VPS28: variants seen among roughly 807,000 people sequenced by gnomAD.
VPS28 encodes the protein vacuolar protein sorting-associated protein 28 homolog.
Under a neutral mutation model 33.7 loss-of-function variants are expected in VPS28, and 29 were observed. The observed-to-expected ratio is 0.86, with a 90% CI of 0.64 to 1.17. The LOEUF (loss-of-function observed/expected upper bound fraction) is 1.17. Among genes scored for constraint, VPS28 ranks in the 50% most tolerant of loss-of-function variants. VPS28 has a pLI of 0.00. For missense variants in VPS28, 247 were observed against 312.2 expected (o/e 0.79, Z 1.57); for synonymous variants, 164 against 116.7 (o/e 1.40, Z -2.61).
At chr8:144,425,097 CA>C in intron 5 of VPS28, 46 bp from the exon 6 acceptor site, 1 of 1,509,460 alleles carries the variant, frequency 6.6e-7, no homozygotes, top group Non-Finnish European at 9.0e-7. Context: ...CAGCCCCACC[CA>C]GCTCATCCTA....
At chr8:144,428,063 TGG>T (rs1554877312) in intron 1 of VPS28, among the ~76,000 whole-genome samples, 2 of 150,732 alleles carry the variant, frequency 1.3e-5, no homozygotes. Flanking sequence ...GCCGAAGCCC[TGG>T]GGCGCCCCAG....
chr8:144,426,770 C>G lies in VPS28; in HGVS notation c.37+139G>C, dbSNP rs557088088. 282 of 887,108 alleles carry G rather than the reference C, an allele frequency of 3.2e-4. 2 individuals are homozygous for G. In the South Asian group the frequency reaches 4.4e-3, roughly 14 times the overall value. The allele number at this position is 887,108 out of a possible 1,614,324, so 55.0% of individuals were successfully genotyped here. A position where few individuals can be genotyped will look rare whatever the true frequency, so the allele number is the denominator to read the frequency against. ...GAGCCCTCAGTGCTCCTGCAATGAA[C>G]TATTTAGCCCCTGGCCACCCCCAAG... On this transcript the variant is annotated intron_variant, in intron 2 of 9. Transcript: ENST00000292510.
rs923889794 is a variant in VPS28, at chr8:144,424,490, A to G, written c.403-222T>C. ...CACACCCACACTCTCTCCCGAGGCC[A>G]GGACCCCGCCAGAACGCACCCTGTG... is the stretch of plus-strand genomic sequence containing the variant. On this transcript the variant is annotated intron_variant, in intron 7 of 9. Transcript: ENST00000292510. 10 of 800,024 alleles carry G rather than the reference A, an allele frequency of 1.2e-5. No homozygotes were observed. The African/African-American group carries it at 1.6e-4, about 13-fold the overall frequency. 49.6% of individuals were successfully genotyped at this position (800,024 alleles called of 1,614,324 possible).
At chr8:144,428,157 T>C (rs1265021264) in intron 1 of VPS28, among the ~76,000 whole-genome samples, 1 of 151,942 alleles carries the variant, frequency 6.6e-6, no homozygotes, top group Admixed American at 6.5e-5. Flanking sequence ...TCGAGGCCAT[T>C]GCGAGCCGCG....
rs782428289 is a variant in VPS28 at position 144,425,725 on chromosome 8, G to T, written c.152C>A (p.Ala51Asp). ...GTCCTTGATGTAGGCCTTCTCCAGGGCTTGCATTGTCTTCACCACCGCAAA... is the reference window on the plus strand; with the variant it reads ...GTCCTTGATGTAGGCCTTCTCCAGGTCTTGCATTGTCTTCACCACCGCAAA... ...ELFAVVKTMQALEKAYIKDCV... is the reference protein window; with the variant it reads ...ELFAVVKTMQDLEKAYIKDCV... The change falls in exon 5 of 10, where the codon GCC becomes GAC. Residue 51 changes from alanine to aspartate, a missense_variant. Ala to Asp is a moderately radical substitution (Grantham distance 126, BLOSUM62 -2). Around this residue, in one of 3 missense-constraint regions of VPS28, gnomAD observed 149 missense variants for 172.8 expected, o/e 0.86. Transcript: ENST00000292510. The T allele has an allele frequency of 6.2e-7, 1 of 1,613,884 alleles. No homozygotes were observed. Among genetic ancestry groups the T allele is most frequent in the African/African-American group, 1.3e-5 (1 of 75,036 alleles).
At position 144,426,222 on chromosome 8, in the gene VPS28, C is replaced by G. The variant is rs200924822; in HGVS notation, c.38-14G>C. On this transcript the variant is annotated splice_polypyrimidine_tract_variant and intron_variant, in intron 2 of 9. Coordinates refer to ENST00000292510, the MANE Select transcript of VPS28 (RefSeq NM_016208.4). ...TGTTCCCAGGGGCTGCAAGAGAAGG[C>G]AGAGAGCTGGCAGGCTGGCCCCAAA... 3.1e-6 allele frequency: 5 copies of G among 1,596,726 alleles called. No individual in the cohort carries two copies. The African/African-American group carries it at 5.4e-5, about 17-fold the overall frequency.
At chr8:144,424,396 C>T (rs1285436898) in intron 7 of VPS28, 128 bp from the exon 8 acceptor site, 6 of 1,267,068 alleles carry the variant, frequency 4.7e-6, no homozygotes, top group Non-Finnish European at 5.4e-6. Flanking sequence ...GTTCCCAAAC[C>T]CTGCAGGCCT....
chr8:144,426,860 A>G (rs782249993), intron 2 of VPS28, 49 bp downstream of exon 2: 3 of 1,607,528 alleles, frequency 1.9e-6, no homozygotes, highest in South Asian at 1.1e-5. Context: ...ACTGCCCGTC[A>G]GCCCCTGCAG....
chr8:144,424,794 C>T lies in VPS28; in HGVS notation c.326G>A (p.Arg109Gln), dbSNP rs782001806. ...GGTGATGGGCCGGTCCTCCTTGATC[C>T]GCTCCATGGCCAGCGGGCAGTCCAG... ...FRLDCPLAMERIKEDRPITIK... is the reference protein window; with the variant it reads ...FRLDCPLAMEQIKEDRPITIK... Residue 109 changes from arginine to glutamine, a missense_variant, in exon 7 of 10, where the codon CGG (arginine) becomes CAG (glutamine). This residue lies in a region of VPS28 where 149 missense variants were observed against 172.8 expected (regional missense o/e 0.86). Transcript: ENST00000292510. 6 of 1,613,890 alleles carry T rather than the reference C, an allele frequency of 3.7e-6. No homozygotes were observed. The highest frequency in any genetic ancestry group is 2.2e-5 in the East Asian group (1 of 44,862).
chr8:144,424,174 T>A, intron 8 of VPS28, 41 bp downstream of exon 8: 1 of 1,561,326 alleles, frequency 6.4e-7, no homozygotes. Flanking sequence ...GCCGGCTCCA[T>A]CCCCTCCTGC....
intron 2 of VPS28, chr8:144,426,604 C>T (rs868990381): frequency 1.1e-5 from 5 of 465,286 alleles, no homozygotes; most frequent in Non-Finnish European, 1.9e-5. Flanking sequence ...GCTCATGATG[C>T]AGTGCCAACA....
In VPS28 at chr8:144,424,286, CAT is replaced by C. The variant is rs145810259; in HGVS notation, c.403-20_403-19del. 1.3e-3 allele frequency: 2,026 copies of C among 1,586,420 alleles called. 16 individuals carry two copies. The African/African-American group carries it at 0.018, about 14-fold the overall frequency. ...ATGAAGAGCTGGGGGCAGGTGTGCA[CAT>C]GAGGCTCGCGTGTCCACGGGTGCGG... On this transcript the variant is annotated intron_variant, in intron 7 of 9. Coordinates refer to ENST00000292510, the MANE Select transcript of VPS28 (RefSeq NM_016208.4).
intron 2 of VPS28, 132 bp downstream of exon 2, chr8:144,426,777 G>A (rs1822781870): frequency 1.0e-6 from 1 of 961,320 alleles, no homozygotes; most frequent in South Asian, 1.6e-5. Flanking sequence ...GAACTATTTA[G>A]CCCCTGGCCA....
chr8:144,423,967 G>A, intron 9 of VPS28, 45 bp from the exon 10 acceptor site: 4 of 1,611,434 alleles, frequency 2.5e-6, no homozygotes, highest in Non-Finnish European at 3.4e-6. Flanking sequence ...GGCCTCAGGG[G>A]CACTGCGGGG....
At chr8:144,425,154 G>C (rs1416223294) in intron 5 of VPS28, 103 bp from the exon 6 acceptor site, 1 of 1,048,136 alleles carries the variant, frequency 9.5e-7, no homozygotes, top group Non-Finnish European at 1.4e-6. Context: ...GAGAGGACCA[G>C]GCGACAGGCA....
rs781862454 is a variant in VPS28, at chr8:144,424,812, C to T, written c.308G>A (p.Cys103Tyr). The stretch of plus-strand genomic sequence containing the variant: ...CTTGATCCGCTCCATGGCCAGCGGG[C>T]AGTCCAGCTGTTGGGGGTGACATGG... Reference protein sequence around the residue: ...DEFCRKFRLDCPLAMERIKED... With the variant: ...DEFCRKFRLDYPLAMERIKED... The change falls in exon 7 of 10, where the codon TGC (cysteine) becomes TAC (tyrosine). Residue 103 changes from cysteine to tyrosine, a missense_variant. Around this residue, in one of 3 missense-constraint regions of VPS28, gnomAD observed 149 missense variants for 172.8 expected, o/e 0.86. Coordinates refer to ENST00000292510, the MANE Select transcript of VPS28 (RefSeq NM_016208.4). 2 of 1,613,912 alleles carry T rather than the reference C, an allele frequency of 1.2e-6. No homozygotes were observed. The highest frequency in any genetic ancestry group is 2.2e-5 in the South Asian group (2 of 91,086).
chr8:144,425,988 C>A lies in VPS28; in HGVS notation c.104+38G>T, dbSNP rs782783647. ...GGCTGCCCCAGGGCAGCCAGATGCG[C>A]ATGGGTGTGTTGGGACAGCCTGGGC... On this transcript the variant is annotated intron_variant, in intron 4 of 9. Coordinates refer to ENST00000292510, the MANE Select transcript of VPS28 (RefSeq NM_016208.4). 8 of 1,481,144 alleles carry A rather than the reference C, an allele frequency of 5.4e-6. No individual in the cohort carries two copies. In the East Asian group the frequency reaches 1.5e-4, roughly 28 times the overall value. 91.8% of individuals were successfully genotyped at this position (1,481,144 alleles called of 1,614,324 possible). A position where few individuals can be genotyped will look rare whatever the true frequency, so the allele number is the denominator to read the frequency against.
chr8:144,428,408 G>C (rs1173031920), intron 1 of VPS28, 81 bp downstream of exon 1: 1 of 152,266 alleles, frequency 6.6e-6, no homozygotes, highest in Non-Finnish European at 1.5e-5. Context: ...CCGGGGCCTA[G>C]GCGCGCCCAG....
chr8:144,423,884 A>G lies in VPS28; in HGVS notation c.587T>C (p.Leu196Pro). 2 of 1,613,134 alleles carry G rather than the reference A, an allele frequency of 1.2e-6. No homozygotes were observed. The highest frequency in any genetic ancestry group is 1.7e-6 in the Non-Finnish European group (2 of 1,180,038). The change falls in exon 10 of 10, where the codon CTG becomes CCG. Residue 196 changes from leucine to proline, a missense_variant. This residue lies in a region of VPS28 where 95 missense variants were observed against 118.3 expected (regional missense o/e 0.80). Transcript: ENST00000292510. ...TLSGMSASDE[L>P]DDSQVRQMLF... The stretch of plus-strand genomic sequence containing the variant: ...CATCTGACGCACCTGTGAGTCGTCC[A>G]GCTCATCTGACGCCGACATGCCGCT...
Sources: allele counts gnomAD v4.1 joint callset (sites outside exome capture counted in the v4.1 genomes callset), GRCh38; gene constraint gnomAD v4.1.1; regional missense constraint gnomAD v4.1.1; transcripts MANE v1.5; gene names NCBI Gene and HGNC (gene_info 2026-07-23, HGNC 2026-07-21).